The following MYBPC1 variants were observed in gnomAD, a reference collection of about 807,000 sequenced individuals.
The protein encoded by MYBPC1 is myosin binding protein C1, also known as myosin-binding protein C, slow-type.
Under a neutral mutation model 147.1 loss-of-function variants are expected in MYBPC1, and 52 were observed. The ratio of observed to expected loss-of-function variants is 0.35; its 90% CI spans 0.28 to 0.45. The LOEUF (loss-of-function observed/expected upper bound fraction) is 0.45. MYBPC1 is among the 20% of genes least tolerant of loss of function. MYBPC1 has a pLI of 1.00. For synonymous variants in MYBPC1, 477 were observed against 475.9 expected, an observed-to-expected ratio of 1.00 and a Z score of -0.03; for missense variants, 1,228 against 1,440.3, an observed-to-expected ratio of 0.85 and a Z score of 2.39.
chr12:101,651,113 G>C, intron 15 of MYBPC1, 118 bp from the exon 16 acceptor site: 1 of 1,081,724 alleles, frequency 9.2e-7, no homozygotes, highest in Non-Finnish European at 1.4e-6. Flanking sequence ...CATTGGTACA[G>C]CTTCTCACTT....
At chr12:101,638,295 T>G (rs1193780103) in intron 10 of MYBPC1, among the ~76,000 whole-genome samples, 2 of 152,144 alleles carry the variant, frequency 1.3e-5, no homozygotes, top group Non-Finnish European at 2.9e-5. Flanking sequence ...GGAAAAGAAA[T>G]CCAGTGCCTG....
At chr12:101,669,954 AACTAT>A (rs1898249185) in intron 23 of MYBPC1, 2 of 344,876 alleles carry the variant, frequency 5.8e-6, no homozygotes, top group East Asian at 9.2e-5. Context: ...AAAAAAAAGA[AACTAT>A]GAAAAGTATG....
chr12:101,603,384 G>T (rs991965393), intron 1 of MYBPC1, among the ~76,000 whole-genome samples: 2 of 152,108 alleles, frequency 1.3e-5, no homozygotes, highest in African/African-American at 4.8e-5. Flanking sequence ...CTTATCAGGG[G>T]TGCTTTTTGG....
intron 3 of MYBPC1, among the ~76,000 whole-genome samples, chr12:101,624,680 T>C (rs1593739930): frequency 7.5e-6 from 1 of 132,502 alleles, no homozygotes; most frequent in East Asian, 2.3e-4. Flanking sequence ...GCCCGGCTAA[T>C]TAATTTTTTT....
At chr12:101,609,663 G>A (rs1883562837) in intron 1 of MYBPC1, among the ~76,000 whole-genome samples, 1 of 152,142 alleles carries the variant, frequency 6.6e-6, no homozygotes, top group Non-Finnish European at 1.5e-5. Flanking sequence ...AGTTTGAGAA[G>A]TTCTAGAGGA....
intron 1 of MYBPC1, among the ~76,000 whole-genome samples, chr12:101,598,604 C>T (rs1878477969): frequency 6.6e-6 from 1 of 152,084 alleles, no homozygotes; most frequent in Non-Finnish European, 1.5e-5. Flanking sequence ...GAAAAGGTCT[C>T]ATTCTGTCAC....
chr12:101,651,010 C>A, intron 15 of MYBPC1: 1 of 553,558 alleles, frequency 1.8e-6, no homozygotes, highest in Non-Finnish European at 3.2e-6. Flanking sequence ...TGGGTCATTT[C>A]AGCTGGATGC....
At chr12:101,618,194 A>G (rs939400174) in intron 3 of MYBPC1, among the ~76,000 whole-genome samples, 4 of 152,202 alleles carry the variant, frequency 2.6e-5, no homozygotes, top group African/African-American at 9.6e-5. Context: ...CTTGTGTCCT[A>G]TACATTAGTA....
intron 1 of MYBPC1, 75 bp from the exon 2 acceptor site, chr12:101,614,421 T>C: frequency 6.4e-7 from 1 of 1,558,554 alleles, no homozygotes. Context: ...CAGCAGAAGC[T>C]GCCTGGGGCT....
intron 18 of MYBPC1, among the ~76,000 whole-genome samples, chr12:101,656,438 T>C (rs1323930917): frequency 6.6e-6 from 1 of 152,138 alleles, no homozygotes; most frequent in African/African-American, 2.4e-5. Flanking sequence ...GACCCAAAGA[T>C]ATGTTGACTA....
At position 101,617,125 on chromosome 12, in the gene MYBPC1, C is replaced by A. The variant is rs1349395382; in HGVS notation, c.62-77C>A. The A allele has an allele frequency of 5.9e-6, 8 of 1,361,104 alleles. No homozygotes were observed. The African/African-American group carries it at 1.0e-4, about 17-fold the overall frequency. 84.3% of individuals were successfully genotyped at this position (1,361,104 alleles called of 1,614,324 possible). A position where few individuals can be genotyped will look rare whatever the true frequency, so the allele number is the denominator to read the frequency against. On this transcript the variant is annotated intron_variant, in intron 2 of 31. Coordinates refer to ENST00000361466, the MANE Select transcript of MYBPC1 (RefSeq NM_002465.4). ...TGCTGTCATTTATTTCTTCCCTCCC[C>A]CTCTCCACCCCGTTGCTCATCACAC...
chr12:101,659,755 T>C lies in MYBPC1; in HGVS notation c.1851T>C (p.Asp617=). 2 of 1,614,142 alleles carry C rather than the reference T, an allele frequency of 1.2e-6. No individual in the cohort carries two copies. Among genetic ancestry groups the C allele is most frequent in the Non-Finnish European group, 1.7e-6 (2 of 1,180,000 alleles). Residue 617 remains aspartate, a synonymous_variant, in exon 19 of 32, where the codon GAT becomes GAC. Transcript: ENST00000361466. The part of the protein sequence containing the change: ...STLVIDIAER[D]DSGVYHINLK... ...TGGTCATTGATATAGCTGAAAGAGA[T>C]GACTCTGGTGTTTACCACATCAATC...
Position 101,646,399 on chromosome 12 carries a change from C to T in MYBPC1, c.966-364C>T, listed in dbSNP as rs374558833. Among the ~76,000 whole-genome samples the T allele has an allele frequency of 1.4e-4, 22 of 152,080 alleles. No individual in the cohort carries two copies. The South Asian group carries it at 3.1e-3, about 21-fold the overall frequency. On this transcript the variant is annotated intron_variant, in intron 12 of 31. Coordinates refer to ENST00000361466, the MANE Select transcript of MYBPC1 (RefSeq NM_002465.4). The stretch of plus-strand genomic sequence containing the variant: ...CGATGGCTCACGCCTGTAATCCCAA[C>T]ACTTTGGGAGGCTGAGGCAGGAACG...
rs76906690 is a variant in MYBPC1 at position 101,685,202 on chromosome 12, C to T, written c.*20-380C>T. Among the ~76,000 whole-genome samples, 1,005 of 152,244 alleles carry T rather than the reference C, an allele frequency of 6.6e-3. 10 individuals carry two copies. Among genetic ancestry groups the T allele is most frequent in the African/African-American group, 0.021 (867 of 41,548 alleles). ...TTAACAAACTGGAAGCAGATCTTCC[C>T]ACTGATCCATAATGTGGTATGCATT... On this transcript the variant is annotated intron_variant, in intron 31 of 31. Transcript: ENST00000361466.
At position 101,643,676 on chromosome 12, in the gene MYBPC1, G is replaced by GA. The variant is rs1202519461; in HGVS notation, c.833-981dup. On this transcript the variant is annotated intron_variant, in intron 11 of 31. Transcript: ENST00000361466. ...AGAATTATTATCTTTTAAAAAGCAG[G>GA]AAAAAAACTTATTAAATTAAAAAAA... Among the ~76,000 whole-genome samples, 4 of 151,748 alleles carry GA rather than the reference G, an allele frequency of 2.6e-5. No homozygotes were observed. In the East Asian group the frequency reaches 5.8e-4, roughly 22 times the overall value.
chr12:101,661,859 T>G (rs1896602870), intron 20 of MYBPC1, among the ~76,000 whole-genome samples: 1 of 137,128 alleles, frequency 7.3e-6, no homozygotes, highest in African/African-American at 2.8e-5. Context: ...ATCACACCAC[T>G]GCACTCCAGC....
At chr12:101,683,059 T>G (rs1471504787) in intron 30 of MYBPC1, among the ~76,000 whole-genome samples, 1 of 152,230 alleles carries the variant, frequency 6.6e-6, no homozygotes, top group Non-Finnish European at 1.5e-5. Flanking sequence ...CATGATGCAA[T>G]TCAGAGAACT....
At chr12:101,653,914 A>G (rs182833383) in intron 18 of MYBPC1, among the ~76,000 whole-genome samples, 358 of 152,262 alleles carry the variant, frequency 2.4e-3, no homozygotes, top group African/African-American at 8.4e-3. Context: ...TTTAAAAAGA[A>G]GACATGAGGC....
At chr12:101,608,612 T>C (rs1427964620) in intron 1 of MYBPC1, among the ~76,000 whole-genome samples, 1 of 152,220 alleles carries the variant, frequency 6.6e-6, no homozygotes, top group Non-Finnish European at 1.5e-5. Flanking sequence ...GCTAACCTTG[T>C]TGACAACAGT....
Sources: gnomAD v4.1 joint callset for allele counts (sites outside exome capture counted in the v4.1 genomes callset) on GRCh38, gnomAD v4.1.1 for gene constraint, MANE v1.5 for transcripts, NCBI Gene and HGNC (gene_info 2026-07-23, HGNC 2026-07-21) for gene names.